Variants in FAM20C observed in about 807,000 individuals in gnomAD.
The protein encoded by FAM20C is FAM20C golgi associated secretory pathway kinase, also known as extracellular serine/threonine protein kinase FAM20C.
Under a neutral mutation model 51.5 loss-of-function variants are expected in FAM20C, and 40 were observed. The observed-to-expected ratio is 0.78, with a 90% confidence interval of 0.60 to 1.01. The LOEUF (loss-of-function observed/expected upper bound fraction) is 1.01, where lower values mean the gene tolerates loss of function less well. Among genes scored for constraint, FAM20C ranks in the 50% least tolerant of loss-of-function variants. The pLI is 0.00. For missense variants in FAM20C, 861 were observed against 844.7 expected (o/e 1.02, Z -0.24); for synonymous variants, 406 against 380.6 (o/e 1.07, Z -0.78).
chr7:251,822 A>C (rs913414995), intron 5 of FAM20C, among the ~76,000 whole-genome samples: 1 of 152,120 alleles, frequency 6.6e-6, no homozygotes, highest in Non-Finnish European at 1.5e-5. Flanking sequence ...TCTCCCCTGA[A>C]ATCCAAGACT....
chr7:199,338 A>G (rs1300518571), intron 2 of FAM20C, among the ~76,000 whole-genome samples: 1 of 152,200 alleles, frequency 6.6e-6, no homozygotes, highest in African/African-American at 2.4e-5. Flanking sequence ...GCAACCAAGA[A>G]CAGGGGTAGC....
At chr7:217,749 A>G (rs1583302847) in intron 3 of FAM20C, among the ~76,000 whole-genome samples, 1 of 152,130 alleles carries the variant, frequency 6.6e-6, no homozygotes, top group East Asian at 1.9e-4. Context: ...AAGACGGGAG[A>G]ACAATGACCC....
intron 3 of FAM20C, among the ~76,000 whole-genome samples, chr7:242,609 G>T (rs1030149363): frequency 6.6e-6 from 1 of 152,148 alleles, no homozygotes; most frequent in Non-Finnish European, 1.5e-5. Flanking sequence ...GACACCAGAG[G>T]CCTCAGAAGG....
At chr7:194,656 G>A (rs1374867950) in intron 1 of FAM20C, among the ~76,000 whole-genome samples, 1 of 152,176 alleles carries the variant, frequency 6.6e-6, no homozygotes, top group Non-Finnish European at 1.5e-5. Context: ...CTTGCCTGCT[G>A]GTCAGGTTCA....
intron 3 of FAM20C, among the ~76,000 whole-genome samples, chr7:217,399 C>A: frequency 6.6e-6 from 1 of 152,276 alleles, no homozygotes; most frequent in Non-Finnish European, 1.5e-5. Flanking sequence ...CCAGCCCCTC[C>A]CGGGTGCCCC....
chr7:254,228 G>T (rs1369169094), intron 5 of FAM20C, among the ~76,000 whole-genome samples: 2 of 152,174 alleles, frequency 1.3e-5, no homozygotes, highest in Non-Finnish European at 2.9e-5. Flanking sequence ...GCCGGGACCG[G>T]CCACCCTCCT....
chr7:220,021 G>A (rs956048510), intron 3 of FAM20C, among the ~76,000 whole-genome samples: 1 of 152,096 alleles, frequency 6.6e-6, no homozygotes, highest in Non-Finnish European at 1.5e-5. Flanking sequence ...CTCCAAGCCC[G>A]CTCCTCACCC....
intron 3 of FAM20C, among the ~76,000 whole-genome samples, chr7:209,335 C>T (rs1163873347): frequency 6.6e-6 from 1 of 152,226 alleles, no homozygotes; most frequent in Non-Finnish European, 1.5e-5. Context: ...CTCCGGAGCC[C>T]GCACACCTTT....
chr7:203,333 A>G (rs113035149), intron 2 of FAM20C, among the ~76,000 whole-genome samples: 25 of 152,228 alleles, frequency 1.6e-4, no homozygotes, highest in African/African-American at 5.8e-4. Flanking sequence ...CTTTCCAAGC[A>G]TCGTGAACTT....
intron 3 of FAM20C, among the ~76,000 whole-genome samples, chr7:214,184 G>A (rs976754668): frequency 1.6e-4 from 24 of 152,120 alleles, no homozygotes; most frequent in African/African-American, 5.8e-4. Context: ...AATTAGCTGG[G>A]CGTGGTGATG....
intron 3 of FAM20C, among the ~76,000 whole-genome samples, chr7:212,855 T>C (rs28495961): frequency 0.73 from 110,735 of 152,072 alleles, 41,237 homozygotes; most frequent in East Asian, 0.83. Context: ...AGTGTGCAGC[T>C]TGGGGGCTTT....
chr7:211,942 G>A (rs1353947520), intron 3 of FAM20C, among the ~76,000 whole-genome samples: 1 of 152,192 alleles, frequency 6.6e-6, no homozygotes, highest in Non-Finnish European at 1.5e-5. Context: ...CGCCCCCCAG[G>A]TCAGGTTAGG....
chr7:223,860 G>A (rs1787346724), intron 3 of FAM20C, among the ~76,000 whole-genome samples: 1 of 152,186 alleles, frequency 6.6e-6, no homozygotes, highest in Admixed American at 6.5e-5. Flanking sequence ...ACTCTATGGG[G>A]TCCCCTGCCC....
chr7:245,510 G>A (rs1272879648), intron 3 of FAM20C, among the ~76,000 whole-genome samples: 1 of 152,182 alleles, frequency 6.6e-6, no homozygotes, highest in African/African-American at 2.4e-5. Context: ...GACGCCCTGG[G>A]ACAGGCTCTC....
At chr7:229,677 G>T (rs1316385761) in intron 3 of FAM20C, 2 of 152,246 alleles carry the variant, frequency 1.3e-5, no homozygotes. Flanking sequence ...CGCGAACTCG[G>T]GGACCAAAAG....
chr7:216,899 C>T (rs769413948), intron 3 of FAM20C, among the ~76,000 whole-genome samples: 7 of 152,184 alleles, frequency 4.6e-5, no homozygotes, highest in African/African-American at 9.6e-5. Context: ...ACACATGGCC[C>T]GCTGGGGCCT....
chr7:202,192 A>G (rs1786159844), intron 2 of FAM20C, among the ~76,000 whole-genome samples: 1 of 152,242 alleles, frequency 6.6e-6, no homozygotes, highest in South Asian at 2.1e-4. Flanking sequence ...GTGCATAGAG[A>G]GGACGGGTGG....
chr7:222,392 A>C (rs141731001), intron 3 of FAM20C, among the ~76,000 whole-genome samples: 15 of 152,182 alleles, frequency 9.9e-5, no homozygotes, highest in African/African-American at 3.1e-4. Context: ...GTCAGCCCCC[A>C]CTGTGGTCCC....
intron 3 of FAM20C, among the ~76,000 whole-genome samples, chr7:212,613 C>T (rs753250711): frequency 1.5e-4 from 22 of 150,654 alleles, no homozygotes; most frequent in Non-Finnish European, 2.4e-4. Context: ...GAGGGGCCGG[C>T]GGTGAGGTGG....
Sources: gnomAD v4.1 joint callset for allele counts (sites outside exome capture counted in the v4.1 genomes callset) on GRCh38, gnomAD v4.1.1 for gene constraint, MANE v1.5 for transcripts, NCBI Gene and HGNC (gene_info 2026-07-23, HGNC 2026-07-21) for gene names.